The following CACNG3 variants were observed in gnomAD, a reference collection of about 807,000 sequenced individuals.
CACNG3 encodes the protein calcium voltage-gated channel auxiliary subunit gamma 3.
A neutral mutation model predicts 28.5 loss-of-function variants in CACNG3; 3 were observed. That is an observed-to-expected ratio of 0.11 (90% CI 0.05 to 0.27). The LOEUF (loss-of-function observed/expected upper bound fraction) is 0.27, where lower values mean the gene tolerates loss of function less well. Among genes scored for constraint, CACNG3 ranks in the 10% least tolerant of loss-of-function variants. CACNG3 has a pLI of 1.00. For missense variants in CACNG3, 236 were observed against 414.4 expected (o/e 0.57, Z 3.74); for synonymous variants, 174 against 162.2 (o/e 1.07, Z -0.55).
At chr16:24,259,430 A>C (rs760102656) in intron 1 of CACNG3, among the ~76,000 whole-genome samples, 1 of 152,204 alleles carries the variant, frequency 6.6e-6, no homozygotes, top group Non-Finnish European at 1.5e-5. Context: ...GAAGATGAAC[A>C]GTCCTTTCCC....
chr16:24,290,532 A>G (rs1898952569), intron 1 of CACNG3, among the ~76,000 whole-genome samples: 1 of 152,246 alleles, frequency 6.6e-6, no homozygotes, highest in Non-Finnish European at 1.5e-5. Flanking sequence ...GTGTCCCTGG[A>G]CAAATGACTT....
chr16:24,295,691 T>TA (rs994044784), intron 1 of CACNG3, among the ~76,000 whole-genome samples: 6 of 151,342 alleles, frequency 4.0e-5, no homozygotes, highest in Non-Finnish European at 7.4e-5. Context: ...CACTAAAAAT[T>TA]AAAAAAAATT....
At chr16:24,292,653 C>A (rs1449712243) in intron 1 of CACNG3, among the ~76,000 whole-genome samples, 1 of 152,154 alleles carries the variant, frequency 6.6e-6, no homozygotes, top group African/African-American at 2.4e-5. Flanking sequence ...CTCCGTTTCC[C>A]TCTTTATCTC....
intron 1 of CACNG3, among the ~76,000 whole-genome samples, chr16:24,342,700 T>C (rs1344238967): frequency 2.0e-5 from 3 of 152,218 alleles, no homozygotes; most frequent in African/African-American, 7.2e-5. Flanking sequence ...ATTGAAGCAA[T>C]ATAAACAAAT....
chr16:24,283,864 T>TA (rs1418217103), intron 1 of CACNG3, among the ~76,000 whole-genome samples: 10 of 152,222 alleles, frequency 6.6e-5, no homozygotes, highest in Admixed American at 5.9e-4. Context: ...CTCAAGTGAA[T>TA]AACTCCTCCA....
intron 1 of CACNG3, among the ~76,000 whole-genome samples, chr16:24,274,518 T>C (rs763960051): frequency 6.6e-6 from 1 of 152,178 alleles, no homozygotes; most frequent in Non-Finnish European, 1.5e-5. Context: ...ACTCAGGTCA[T>C]GGTTACCACT....
intron 1 of CACNG3, among the ~76,000 whole-genome samples, chr16:24,315,851 A>G (rs946634860): frequency 6.6e-5 from 10 of 152,020 alleles, no homozygotes; most frequent in African/African-American, 2.2e-4. Context: ...TAGAGATGGG[A>G]TATCTCCAGG....
At chr16:24,317,864 G>A (rs375131685) in intron 1 of CACNG3, among the ~76,000 whole-genome samples, 4 of 152,178 alleles carry the variant, frequency 2.6e-5, no homozygotes, top group African/African-American at 9.7e-5. Context: ...AGCTTCAGAA[G>A]TGCTTCCTTG....
intron 1 of CACNG3, among the ~76,000 whole-genome samples, chr16:24,263,090 C>G (rs1898556748): frequency 6.6e-6 from 1 of 152,128 alleles, no homozygotes; most frequent in African/African-American, 2.4e-5. Context: ...CTGGTTGCTA[C>G]AAAGTTAGAT....
At chr16:24,314,473 A>G (rs12599751) in intron 1 of CACNG3, among the ~76,000 whole-genome samples, 3,995 of 152,172 alleles carry the variant, frequency 0.026, 91 homozygotes, top group South Asian at 0.067. Context: ...CTTTCTCCCA[A>G]TGCACCTTGA....
At chr16:24,296,801 C>T (rs540445758) in intron 1 of CACNG3, among the ~76,000 whole-genome samples, 53 of 152,266 alleles carry the variant, frequency 3.5e-4, no homozygotes, top group African/African-American at 1.2e-3. Flanking sequence ...AGGTGATGCC[C>T]TGGGCCAGAA....
intron 1 of CACNG3, among the ~76,000 whole-genome samples, chr16:24,267,763 G>A (rs558442344): frequency 7.4e-4 from 113 of 152,074 alleles, no homozygotes; most frequent in Non-Finnish European, 1.4e-3. Flanking sequence ...TCCGCCTCCC[G>A]AGATCAAGTG....
At chr16:24,306,192 G>C (rs926012730) in intron 1 of CACNG3, among the ~76,000 whole-genome samples, 13 of 152,278 alleles carry the variant, frequency 8.5e-5, no homozygotes, top group African/African-American at 3.1e-4. Flanking sequence ...GCTTTTCTTG[G>C]AGCCACCGTG....
At chr16:24,262,673 A>G (rs1483356664) in intron 1 of CACNG3, among the ~76,000 whole-genome samples, 2 of 152,180 alleles carry the variant, frequency 1.3e-5, no homozygotes, top group Non-Finnish European at 2.9e-5. Context: ...ATTGGTTGTT[A>G]CATATTTTAA....
intron 1 of CACNG3, among the ~76,000 whole-genome samples, chr16:24,335,710 T>C (rs894943026): frequency 1.1e-4 from 16 of 152,220 alleles, no homozygotes; most frequent in East Asian, 3.9e-4. Flanking sequence ...TTGTGAGGAA[T>C]ACCCAAAGAG....
intron 1 of CACNG3, among the ~76,000 whole-genome samples, chr16:24,311,693 T>C (rs181170467): frequency 6.6e-6 from 1 of 150,908 alleles, no homozygotes; most frequent in East Asian, 2.0e-4. Flanking sequence ...CCATCTCTAC[T>C]AGAAATACAA....
intron 1 of CACNG3, among the ~76,000 whole-genome samples, chr16:24,309,489 G>A (rs948284601): frequency 2.0e-5 from 3 of 152,214 alleles, no homozygotes; most frequent in Non-Finnish European, 4.4e-5. Flanking sequence ...GTGACCTCCT[G>A]GCGGGCTGCC....
chr16:24,317,680 G>GAAAGAAAGAAAGAAAGAA lies in CACNG3; in HGVS notation c.212-29052_212-29035dup, dbSNP rs1482617035. ...AGAAAGAAAGAAAGAAAGAAAGAAA[G>GAAAGAAAGAAAGAAAGAA]AAAGAAAGAAAGAAAGAAAGAAAGA... On this transcript the variant is annotated intron_variant, in intron 1 of 3. Coordinates refer to ENST00000005284, the MANE Select transcript of CACNG3 (RefSeq NM_006539.4). Among the ~76,000 whole-genome samples the GAAAGAAAGAAAGAAAGAA allele has an allele frequency of 4.9e-5, 5 of 102,312 alleles. No individual in the cohort carries two copies. The South Asian group carries it at 1.4e-3, about 30-fold the overall frequency. 67.1% of individuals were successfully genotyped at this position (102,312 alleles called of 152,430 possible). A position where few individuals can be genotyped will look rare whatever the true frequency, so the allele number is the denominator to read the frequency against.
intron 1 of CACNG3, among the ~76,000 whole-genome samples, chr16:24,288,945 T>C (rs995255232): frequency 5.3e-5 from 8 of 152,208 alleles, no homozygotes; most frequent in African/African-American, 1.9e-4. Context: ...CTGAAGGGTA[T>C]GGTGACTTTT....
Sources: allele counts gnomAD v4.1 joint callset (sites outside exome capture counted in the v4.1 genomes callset), GRCh38; gene constraint gnomAD v4.1.1; transcripts MANE v1.5; gene names NCBI Gene and HGNC (gene_info 2026-07-23, HGNC 2026-07-21).